Variants in LMNTD1 observed in about 807,000 individuals in gnomAD.
LMNTD1 encodes lamin tail domain containing 1.
LMNTD1 carries 35 observed loss-of-function variants against 50.9 expected under a neutral mutation model. The ratio of observed to expected loss-of-function variants is 0.69; its 90% CI spans 0.53 to 0.91. The LOEUF is 0.91. Ranked by LOEUF, LMNTD1 falls within the 40% of genes least tolerant of loss-of-function variation. The probability of loss-of-function intolerance (pLI) is 0.00; values close to 1 mark genes in which losing one functional copy is unlikely to be tolerated. For missense variants in LMNTD1, 470 were observed against 475.5 expected, an observed-to-expected ratio of 0.99 and a Z score of 0.11; for synonymous variants, 153 against 161.9, an observed-to-expected ratio of 0.94 and a Z score of 0.42.
rs147675242 is a variant in LMNTD1 at position 25,544,151 on chromosome 12, C to G, written c.491+2223G>C. On this transcript the variant is annotated intron_variant, in intron 4 of 9. Transcript: ENST00000458174. ...GATTTTTGTGTCTGGTTCATCTGTC[C>G]ATTACTGAGAATAGGATGTTAAAGT... Among the ~76,000 whole-genome samples, 13 of 151,886 alleles carry G rather than the reference C, an allele frequency of 8.6e-5. No individual in the cohort carries two copies. In the East Asian group the frequency reaches 2.5e-3, roughly 29 times the overall value.
chr12:25,562,955 C>G (rs1365732480), intron 1 of LMNTD1, among the ~76,000 whole-genome samples: 1 of 152,178 alleles, frequency 6.6e-6, no homozygotes, highest in East Asian at 1.9e-4. Context: ...GTATGCATCA[C>G]GTAGTTCTCG....
intron 8 of LMNTD1, among the ~76,000 whole-genome samples, chr12:25,505,939 C>A: frequency 6.6e-6 from 1 of 152,144 alleles, no homozygotes; most frequent in East Asian, 1.9e-4. Context: ...CCTAGTCTGA[C>A]AAATTTAAAC....
At position 25,481,865 on chromosome 12, in the gene LMNTD1, TCACACACACACA is replaced by T. The variant is rs138084240; in HGVS notation, c.*23-5417_*23-5406del. ...CAACATATAGTAATATATTGCCTCT[TCACACACACACA>T]CACACACACACACACACACACACAC... is the stretch of plus-strand genomic sequence containing the variant. On this transcript the variant is annotated intron_variant, in intron 9 of 9. Coordinates refer to ENST00000458174, the MANE Select transcript of LMNTD1 (RefSeq NM_001145728.2). Among the ~76,000 whole-genome samples, 686 of 132,696 alleles carry T rather than the reference TCACACACACACA, an allele frequency of 5.2e-3. 13 individuals carry two copies. Among genetic ancestry groups the T allele is most frequent in the African/African-American group, 0.016 (563 of 34,964 alleles). 87.1% of individuals were successfully genotyped at this position (132,696 alleles called of 152,430 possible).
At chr12:25,622,070 G>C (rs1049312163) in intron 1 of LMNTD1, among the ~76,000 whole-genome samples, 1 of 152,208 alleles carries the variant, frequency 6.6e-6, no homozygotes, top group Non-Finnish European at 1.5e-5. Flanking sequence ...ATGATTTGCT[G>C]ATGGAGCAAA....
chr12:25,595,662 T>C (rs1337281350), intron 1 of LMNTD1, among the ~76,000 whole-genome samples: 1 of 151,886 alleles, frequency 6.6e-6, no homozygotes, highest in Non-Finnish European at 1.5e-5. Context: ...AGGTCACACC[T>C]CAAGGAACTA....
At chr12:25,635,142 AG>A (rs1381694904) in intron 1 of LMNTD1, among the ~76,000 whole-genome samples, 2 of 147,086 alleles carry the variant, frequency 1.4e-5, no homozygotes, top group South Asian at 4.6e-4. Context: ...CTGGAGGCTG[AG>A]GGGGGAGAAT....
intron 6 of LMNTD1, 42 bp from the exon 7 acceptor site, chr12:25,520,117 G>A (rs1319087513): frequency 5.1e-6 from 5 of 978,174 alleles, no homozygotes; most frequent in South Asian, 1.5e-5. Context: ...GTATATTTGA[G>A]GTTTACAACA....
intron 1 of LMNTD1, among the ~76,000 whole-genome samples, chr12:25,609,664 G>A (rs1592101500): frequency 6.6e-6 from 1 of 152,220 alleles, no homozygotes; most frequent in South Asian, 2.1e-4. Context: ...CTGCAGAATA[G>A]CAAATATTGT....
At chr12:25,527,302 T>C (rs1407924082) in intron 4 of LMNTD1, among the ~76,000 whole-genome samples, 2 of 150,252 alleles carry the variant, frequency 1.3e-5, no homozygotes, top group Non-Finnish European at 1.5e-5. Flanking sequence ...CTCTCAAAAG[T>C]AGATCAAGAG....
chr12:25,622,427 C>T (rs547527115), intron 1 of LMNTD1, among the ~76,000 whole-genome samples: 1 of 150,460 alleles, frequency 6.6e-6, no homozygotes, highest in South Asian at 2.1e-4. Flanking sequence ...AGAAAAGTTG[C>T]GCTGGTCACT....
intron 4 of LMNTD1, among the ~76,000 whole-genome samples, chr12:25,536,777 G>A (rs1440350114): frequency 1.3e-5 from 2 of 152,184 alleles, no homozygotes; most frequent in African/African-American, 4.8e-5. Flanking sequence ...CCTGAGCGAC[G>A]CAGAAGACGG....
intron 4 of LMNTD1, 74 bp from the exon 5 acceptor site, chr12:25,527,029 A>G (rs1941773455): frequency 9.9e-7 from 1 of 1,006,306 alleles, no homozygotes; most frequent in Non-Finnish European, 1.4e-6. Flanking sequence ...AGAAGTGATT[A>G]ATAAACTGCT....
chr12:25,594,650 A>G (rs972679218), intron 1 of LMNTD1, among the ~76,000 whole-genome samples: 1 of 90,202 alleles, frequency 1.1e-5, no homozygotes, highest in Admixed American at 1.5e-4. Flanking sequence ...AAACAGAAAT[A>G]CAAAAAAAAA....
intron 1 of LMNTD1, among the ~76,000 whole-genome samples, chr12:25,573,683 T>A (rs948025358): frequency 7.2e-5 from 11 of 152,174 alleles, no homozygotes; most frequent in African/African-American, 2.7e-4. Flanking sequence ...CCTAGGAAAT[T>A]GGCAACTTGT....
At chr12:25,586,886 C>T (rs1409498475) in intron 1 of LMNTD1, among the ~76,000 whole-genome samples, 1 of 152,154 alleles carries the variant, frequency 6.6e-6, no homozygotes, top group Admixed American at 6.5e-5. Context: ...ACACAAACTC[C>T]TTGACAAACC....
At chr12:25,594,651 C>CAAAAAAAAAAAAA (rs61299586) in intron 1 of LMNTD1, among the ~76,000 whole-genome samples, 37 of 69,892 alleles carry the variant, frequency 5.3e-4, no homozygotes, top group East Asian at 1.7e-3. Flanking sequence ...AACAGAAATA[C>CAAAAAAAAAAAAA]AAAAAAAAAA....
At chr12:25,576,055 G>A (rs932774510) in intron 1 of LMNTD1, among the ~76,000 whole-genome samples, 1 of 152,198 alleles carries the variant, frequency 6.6e-6, no homozygotes, top group Non-Finnish European at 1.5e-5. Context: ...ATTCCATGGT[G>A]TATATGTGCC....
chr12:25,591,811 C>CAG (rs58392351), intron 1 of LMNTD1, among the ~76,000 whole-genome samples: 8,916 of 89,824 alleles, frequency 0.099, 686 homozygotes, highest in East Asian at 0.25. Flanking sequence ...TAGCTCAGAA[C>CAG]AGAGAGAGAG....
At chr12:25,573,456 G>A (rs1456133950) in intron 1 of LMNTD1, among the ~76,000 whole-genome samples, 1 of 152,152 alleles carries the variant, frequency 6.6e-6, no homozygotes, top group Admixed American at 6.5e-5. Flanking sequence ...AAATAATGCA[G>A]TCTTTTAACT....
Sources: allele counts gnomAD v4.1 joint callset (sites outside exome capture counted in the v4.1 genomes callset), GRCh38; gene constraint gnomAD v4.1.1; transcripts MANE v1.5; gene names NCBI Gene and HGNC (gene_info 2026-07-23, HGNC 2026-07-21).